Variants in SRSF5 observed in about 807,000 individuals in gnomAD.
The protein encoded by SRSF5 is serine and arginine rich splicing factor 5, also known as serine/arginine-rich splicing factor 5.
In SRSF5, 5 loss-of-function variants were observed where a neutral mutation model predicts 34.0. That is an observed-to-expected ratio of 0.15 (90% confidence interval 0.08 to 0.31). The LOEUF (loss-of-function observed/expected upper bound fraction) is 0.31, where lower values mean the gene tolerates loss of function less well. Among genes scored for constraint, SRSF5 ranks in the 10% least tolerant of loss-of-function variants. SRSF5 has a pLI of 1.00. For missense variants in SRSF5, 223 were observed against 351.4 expected (o/e 0.63, Z 2.92); for synonymous variants, 164 against 117.7 (o/e 1.39, Z -2.55).
intron 5 of SRSF5, 95 bp downstream of exon 5, chr14:69,769,346 A>C: frequency 6.5e-7 from 1 of 1,535,108 alleles, no homozygotes; most frequent in Non-Finnish European, 8.8e-7. Flanking sequence ...AAGTAGTTTT[A>C]AATTAATGGA....
chr14:69,768,296 A>G lies in SRSF5; in HGVS notation c.126+14A>G, dbSNP rs141028017. 2.1e-5 allele frequency: 34 copies of G among 1,614,028 alleles called. No individual in the cohort carries two copies. The highest frequency in any genetic ancestry group is 2.7e-5 in the Non-Finnish European group (32 of 1,179,908). On this transcript the variant is annotated intron_variant, in intron 2 of 7. Coordinates refer to ENST00000557154, the MANE Select transcript of SRSF5 (RefSeq NM_001320214.2). ...TTTGGTTTTGTGGTAAGTATTTAGA[A>G]CTGGGTGAATTATCTGCTAAGTAGG... is the stretch of plus-strand genomic sequence containing the variant.
intron 2 of SRSF5, 94 bp from the exon 3 acceptor site, chr14:69,768,510 C>T: frequency 2.2e-6 from 3 of 1,338,698 alleles, no homozygotes; most frequent in Non-Finnish European, 3.2e-6. Flanking sequence ...CGTTAAGATA[C>T]TCTTCCCATT....
chr14:69,770,673 TC>T (rs370786152), intron 6 of SRSF5, 133 bp downstream of exon 6: 25 of 809,556 alleles, frequency 3.1e-5, no homozygotes, highest in East Asian at 5.4e-5. Flanking sequence ...GCTTCCCTCC[TC>T]CCCCCCACAC....
At chr14:69,767,809 G>C in intron 1 of SRSF5, 4 of 355,804 alleles carry the variant, frequency 1.1e-5, no homozygotes, top group South Asian at 8.5e-5. Flanking sequence ...GGAGGGCGCG[G>C]GCGGCTCCGC....
intron 1 of SRSF5, 199 bp downstream of exon 1, chr14:69,767,454 G>C (rs1354250905): frequency 6.6e-6 from 3 of 455,850 alleles, no homozygotes; most frequent in Admixed American, 4.7e-5. Flanking sequence ...GTCACTGTTC[G>C]GGTCGTTTTT....
rs1883222324 is a variant in SRSF5 at position 69,771,642 on chromosome 14, C to G, written c.*181C>G. On this transcript the variant is annotated 3_prime_UTR_variant, in exon 8 of 8. Coordinates refer to ENST00000557154, the MANE Select transcript of SRSF5 (RefSeq NM_001320214.2). ...TGGACCACCAAGGGGTTGTTGAAAA[C>G]TAATTGTATTAAATGTCTTTTGATA... 19 of 677,264 alleles carry G rather than the reference C, an allele frequency of 2.8e-5. No homozygotes were observed. Among genetic ancestry groups the G allele is most frequent in the South Asian group, 2.4e-4 (12 of 49,284 alleles). 42.0% of individuals were successfully genotyped at this position (677,264 alleles called of 1,614,324 possible). A position where few individuals can be genotyped will look rare whatever the true frequency, so the allele number is the denominator to read the frequency against.
intron 2 of SRSF5, 92 bp from the exon 3 acceptor site, chr14:69,768,512 C>T (rs1031212478): frequency 2.9e-5 from 39 of 1,343,806 alleles, no homozygotes; most frequent in South Asian, 1.6e-4. Flanking sequence ...TTAAGATACT[C>T]TTCCCATTCT....
Position 69,771,613 on chromosome 14 carries a change from G to C in SRSF5, c.*152G>C. 1.2e-6 allele frequency: 1 copy of C among 857,204 alleles called. No individual in the cohort carries two copies. The highest frequency in any genetic ancestry group is 2.7e-5 in the East Asian group (1 of 37,734). The allele number at this position is 857,204 out of a possible 1,614,324, so 53.1% of individuals were successfully genotyped here. A position where few individuals can be genotyped will look rare whatever the true frequency, so the allele number is the denominator to read the frequency against. On this transcript the variant is annotated 3_prime_UTR_variant, in exon 8 of 8. Transcript: ENST00000557154. ...TTGGGTTGGGCTGGATATCTTTGTA[G>C]ATGTGGACCACCAAGGGGTTGTTGA...
chr14:69,769,239 A>G lies in SRSF5; in HGVS notation c.354A>G (p.Arg118=). ...NRLIVENLSS[R]VSWQDLKDFM... ...TTATAGTTGAGAATTTATCCTCAAG[A>G]GTCAGCTGGCAGGTTTGTTGAAATA... The change falls in exon 5 of 8, where the codon AGA becomes AGG. Residue 118 remains arginine (R), a synonymous_variant. Coordinates refer to ENST00000557154, the MANE Select transcript of SRSF5 (RefSeq NM_001320214.2). 1 of 1,614,184 alleles carries G rather than the reference A, an allele frequency of 6.2e-7. No homozygotes were observed. The highest frequency in any genetic ancestry group is 8.5e-7 in the Non-Finnish European group (1 of 1,180,018).
Position 69,767,857 on chromosome 14 carries a change from A to T in SRSF5, c.-19-281A>T, listed in dbSNP as rs563128647. The T allele has an allele frequency of 3.8e-5, 15 of 390,554 alleles. No homozygotes were observed. In the East Asian group the frequency reaches 8.6e-4, roughly 22 times the overall value. 24.2% of individuals were successfully genotyped at this position (390,554 alleles called of 1,614,324 possible). ...GCCTTTCCTAACTGCGGCAGATGGG[A>T]GGGGGCCGGAGAGCCCGGAGAGTGT... On this transcript the variant is annotated intron_variant, in intron 1 of 7. Transcript: ENST00000557154.
At chr14:69,767,886 G>T in intron 1 of SRSF5, 1 of 444,520 alleles carries the variant, frequency 2.2e-6, no homozygotes, top group Non-Finnish European at 4.2e-6. Flanking sequence ...AGAGTGTGCG[G>T]CTGCGCAGTT....
intron 1 of SRSF5, 192 bp from the exon 2 acceptor site, chr14:69,767,946 G>T: frequency 3.5e-6 from 2 of 564,898 alleles, no homozygotes; most frequent in Non-Finnish European, 3.1e-6. Context: ...GCCCAGTAGC[G>T]GACCGTGTTG....
intron 1 of SRSF5, chr14:69,767,528 A>C (rs1047447619): frequency 2.2e-6 from 1 of 455,782 alleles, no homozygotes. Context: ...CACGTAGAAT[A>C]GTGGGCCGGG....
Position 69,768,884 on chromosome 14 carries a change from G to A in SRSF5, c.284G>A (p.Arg95Gln). ...GACCGTTTTAGTAGTCGCAGACCTC[G>A]AAATGATAGACGGTATGTGAAGGGT... Reference protein sequence around the residue: ...YSDRFSSRRPRNDRRNAPPVR... With the variant: ...YSDRFSSRRPQNDRRNAPPVR... The change falls in exon 4 of 8, where the codon CGA becomes CAA. Residue 95 changes from arginine (R) to glutamine (Q), a missense_variant. Around this residue, in one of 4 missense-constraint regions of SRSF5, gnomAD observed 44 missense variants for 44.3 expected, o/e 0.99. Transcript: ENST00000557154. 6.2e-7 allele frequency: 1 copy of A among 1,614,118 alleles called. No individual in the cohort carries two copies. Among genetic ancestry groups the A allele is most frequent in the Non-Finnish European group, 8.5e-7 (1 of 1,179,938 alleles).
At chr14:69,767,492 C>A (rs1422962973) in intron 1 of SRSF5, 2 of 456,002 alleles carry the variant, frequency 4.4e-6, no homozygotes, top group Admixed American at 2.3e-5. Flanking sequence ...CCGTCCCTGC[C>A]AGTCTTAATG....
intron 2 of SRSF5, 158 bp from the exon 3 acceptor site, chr14:69,768,446 A>C: frequency 2.4e-6 from 3 of 1,235,674 alleles, no homozygotes; most frequent in Non-Finnish European, 3.4e-6. Context: ...TTGCCGGCTC[A>C]CTGGAACCCC....
chr14:69,772,005 A>G lies in SRSF5; in HGVS notation c.*544A>G, dbSNP rs1883268937. The G allele has an allele frequency of 6.5e-6, 1 of 153,706 alleles. No homozygotes were observed. The highest frequency in any genetic ancestry group is 6.5e-5 in the Admixed American group (1 of 15,400). 9.5% of individuals were successfully genotyped at this position (153,706 alleles called of 1,614,324 possible). On this transcript the variant is annotated 3_prime_UTR_variant, in exon 8 of 8. Coordinates refer to ENST00000557154, the MANE Select transcript of SRSF5 (RefSeq NM_001320214.2). ...ATTGATAATAAAATATTATAAAACT[A>G]CTTTTTGTCTGTTTGTCTGAAGAAG...
At chr14:69,769,842 T>G (rs955828345) in intron 5 of SRSF5, 6 of 1,283,858 alleles carry the variant, frequency 4.7e-6, no homozygotes, top group African/African-American at 1.5e-5. Flanking sequence ...AGTAAAGTGG[T>G]CCTTGGTAAC....
chr14:69,769,428 G>A, intron 5 of SRSF5, 177 bp downstream of exon 5: 6 of 1,525,292 alleles, frequency 3.9e-6, no homozygotes, highest in Non-Finnish European at 5.3e-6. Flanking sequence ...TAATATTAGT[G>A]ATCAAATGTA....
Sources: allele counts gnomAD v4.1 joint callset, GRCh38; gene constraint gnomAD v4.1.1; regional missense constraint gnomAD v4.1.1; transcripts MANE v1.5; gene names NCBI Gene and HGNC (gene_info 2026-07-23, HGNC 2026-07-21).